Variants in LEPROTL1 observed in about 807,000 individuals in gnomAD.
LEPROTL1 encodes the protein leptin receptor overlapping transcript like 1, also known as leptin receptor overlapping transcript-like 1.
Under a neutral mutation model 15.4 loss-of-function variants are expected in LEPROTL1, and 6 were observed. The observed-to-expected ratio is 0.39, with a 90% CI of 0.21 to 0.77. LEPROTL1 has a LOEUF of 0.77. Among genes scored for constraint, LEPROTL1 ranks in the 30% least tolerant of loss-of-function variants. LEPROTL1 has a pLI of 0.41. For synonymous variants in LEPROTL1, 56 were observed against 52.6 expected, an observed-to-expected ratio of 1.06 and a Z score of -0.28; for missense variants, 128 against 158.1, an observed-to-expected ratio of 0.81 and a Z score of 1.02.
chr8:30,120,833 T>G (rs149349485), intron 3 of LEPROTL1, among the ~76,000 whole-genome samples: 160 of 152,136 alleles, frequency 1.1e-3, no homozygotes, highest in African/African-American at 3.6e-3. Context: ...CACCCAACTG[T>G]TTTGTTTTTC....
At chr8:30,124,934 G>A (rs1291584004) in intron 3 of LEPROTL1, among the ~76,000 whole-genome samples, 1 of 152,182 alleles carries the variant, frequency 6.6e-6, no homozygotes, top group Non-Finnish European at 1.5e-5. Context: ...GTTGTGGAAA[G>A]CATTCCTTTA....
intron 2 of LEPROTL1, among the ~76,000 whole-genome samples, chr8:30,102,706 A>T (rs934924816): frequency 5.9e-5 from 9 of 152,196 alleles, no homozygotes; most frequent in Middle Eastern, 3.2e-3. Flanking sequence ...CTCAAAGTTA[A>T]CATTTTAACA....
chr8:30,136,867 T>C (rs1275866845), intron 4 of LEPROTL1, among the ~76,000 whole-genome samples: 3 of 152,114 alleles, frequency 2.0e-5, no homozygotes, highest in Non-Finnish European at 4.4e-5. Context: ...TTTGTATTTT[T>C]AGCAGAGACG....
intron 4 of LEPROTL1, chr8:30,133,028 A>C (rs1803061091): frequency 8.2e-4 from 685 of 837,120 alleles, no homozygotes; most frequent in Non-Finnish European, 1.0e-3. Context: ...GATTAATCTC[A>C]TGGCCTGCAG....
intron 3 of LEPROTL1, among the ~76,000 whole-genome samples, chr8:30,129,756 CAA>C (rs201245531): frequency 0.011 from 1,560 of 142,804 alleles, 10 homozygotes; most frequent in South Asian, 0.03. Flanking sequence ...CACACACACA[CAA>C]AGAACTACCT....
intron 1 of LEPROTL1, chr8:30,096,203 T>C (rs1055678259): frequency 2.4e-5 from 9 of 377,694 alleles, no homozygotes; most frequent in Admixed American, 4.3e-3. Flanking sequence ...TTTTTTTCCT[T>C]TTTTTTTTTT....
intron 4 of LEPROTL1, among the ~76,000 whole-genome samples, chr8:30,135,062 T>C (rs1302968748): frequency 1.9e-4 from 28 of 150,354 alleles, no homozygotes; most frequent in African/African-American, 6.6e-4. Context: ...GTGGGTTTTT[T>C]TTTTTTTTTT....
chr8:30,109,123 A>G (rs1159980498), downstream of LEPROTL1, among the ~76,000 whole-genome samples: 2 of 151,880 alleles, frequency 1.3e-5, no homozygotes, highest in Non-Finnish European at 2.9e-5. Context: ...TAGGATATTT[A>G]TATTGAATGT....
At chr8:30,130,931 C>A (rs1055957866) in intron 3 of LEPROTL1, among the ~76,000 whole-genome samples, 14 of 151,804 alleles carry the variant, frequency 9.2e-5, no homozygotes, top group African/African-American at 3.4e-4. Context: ...AGGCGCCCAC[C>A]ACCACGCCCG....
At chr8:30,112,823 G>A (rs759775556), downstream of LEPROTL1, among the ~76,000 whole-genome samples, 5 of 151,890 alleles carry the variant, frequency 3.3e-5, no homozygotes, top group East Asian at 1.9e-4. Flanking sequence ...TTAGATGTTC[G>A]CTGTTGCTTT....
intron 3 of LEPROTL1, among the ~76,000 whole-genome samples, chr8:30,113,534 G>A (rs1009865840): frequency 6.6e-5 from 10 of 152,182 alleles, no homozygotes; most frequent in African/African-American, 2.2e-4. Flanking sequence ...GAGGCAACTT[G>A]CAGAGGGAGG....
chr8:30,108,937 G>A (rs767988301), downstream of LEPROTL1, among the ~76,000 whole-genome samples: 4 of 151,920 alleles, frequency 2.6e-5, no homozygotes, highest in Non-Finnish European at 4.4e-5. Context: ...GCTAATTTTC[G>A]TATTTTTTGT....
chr8:30,106,277 A>G lies in LEPROTL1; in HGVS notation c.*415A>G. 3.0e-6 allele frequency: 3 copies of G among 986,098 alleles called. No individual in the cohort carries two copies. Among genetic ancestry groups the G allele is most frequent in the Non-Finnish European group, 3.6e-6 (3 of 829,918 alleles). The allele number at this position is 986,098 out of a possible 1,614,324, so 61.1% of individuals were successfully genotyped here. ...TACATCTTTTCTCTTAAAATTATTT[A>G]GCCTCCATTATTACAAAAAATTATA... On this transcript the variant is annotated 3_prime_UTR_variant, in exon 4 of 4. Coordinates refer to ENST00000321250, the MANE Select transcript of LEPROTL1 (RefSeq NM_015344.3).
chr8:30,129,295 T>C (rs1026402857), intron 3 of LEPROTL1, among the ~76,000 whole-genome samples: 1 of 152,220 alleles, frequency 6.6e-6, no homozygotes, highest in African/African-American at 2.4e-5. Context: ...TGCCTTCATG[T>C]TAATCAGTGA....
At chr8:30,134,731 A>G (rs1286769204) in intron 4 of LEPROTL1, among the ~76,000 whole-genome samples, 2 of 152,060 alleles carry the variant, frequency 1.3e-5, no homozygotes, top group Non-Finnish European at 2.9e-5. Context: ...TATTTTTAGT[A>G]GAGACAGGGT....
intron 2 of LEPROTL1, among the ~76,000 whole-genome samples, chr8:30,103,830 A>T (rs1023375764): frequency 6.6e-6 from 1 of 151,778 alleles, no homozygotes; most frequent in East Asian, 1.9e-4. Context: ...TACCTATTTT[A>T]TTCTATGGTA....
At chr8:30,103,759 A>T (rs893655604) in intron 2 of LEPROTL1, among the ~76,000 whole-genome samples, 5 of 151,494 alleles carry the variant, frequency 3.3e-5, no homozygotes, top group Admixed American at 6.6e-5. Context: ...AAAAAAAAAA[A>T]TTTAGGAAAC....
At chr8:30,132,802 C>T (rs149726575) in intron 4 of LEPROTL1, 1 of 1,551,750 alleles carries the variant, frequency 6.4e-7, no homozygotes, top group Non-Finnish European at 8.7e-7. Flanking sequence ...GCTCCTGCTC[C>T]TGAAGCCTCC....
chr8:30,102,912 G>A (rs1802494790), intron 2 of LEPROTL1, among the ~76,000 whole-genome samples: 1 of 152,096 alleles, frequency 6.6e-6, no homozygotes, highest in African/African-American at 2.4e-5. Flanking sequence ...TAGTTTTCTT[G>A]GAGATAAGTT....
Sources: gnomAD v4.1 joint callset for allele counts (sites outside exome capture counted in the v4.1 genomes callset) on GRCh38, gnomAD v4.1.1 for gene constraint, MANE v1.5 for transcripts, NCBI Gene and HGNC (gene_info 2026-07-23, HGNC 2026-07-21) for gene names.